The following SKI variants were observed in gnomAD, a reference collection of about 807,000 sequenced individuals.
The protein encoded by SKI is ski oncogene.
Under a neutral mutation model 59.3 loss-of-function variants are expected in SKI, and 23 were observed. The observed-to-expected ratio is 0.39, with a 90% confidence interval of 0.28 to 0.55. SKI has a LOEUF of 0.55. Ranked by LOEUF, SKI falls within the 20% of genes least tolerant of loss-of-function variation. The pLI is 0.67. For missense variants in SKI, 1,017 were observed against 1,038.9 expected (o/e 0.98, Z 0.29); for synonymous variants, 673 against 488.6 (o/e 1.38, Z -4.98).
intron 1 of SKI, among the ~76,000 whole-genome samples, chr1:2,259,060 C>G (rs150301133): frequency 2.8e-3 from 423 of 152,346 alleles, no homozygotes; most frequent in African/African-American, 8.9e-3. Flanking sequence ...CCCCAGAATT[C>G]TGGGTTCCCA....
In SKI at chr1:2,293,912, C is replaced by T. The variant is rs530545372; in HGVS notation, c.970-9066C>T. The stretch of plus-strand genomic sequence containing the variant: ...CCCTTCCAGTGCAGGCGGTGGTCAC[C>T]GCGCCACCATGGGGGTCCAGGCAGC... On this transcript the variant is annotated intron_variant, in intron 1 of 6. Transcript: ENST00000378536. Among the ~76,000 whole-genome samples the T allele has an allele frequency of 7.9e-5, 12 of 152,314 alleles. No homozygotes were observed. The East Asian group carries it at 9.6e-4, about 12-fold the overall frequency.
chr1:2,238,267 G>A (rs1638794426), intron 1 of SKI, among the ~76,000 whole-genome samples: 1 of 152,270 alleles, frequency 6.6e-6, no homozygotes, highest in Admixed American at 6.5e-5. Flanking sequence ...CGTGGCAGTG[G>A]ATGGCAGCTC....
intron 1 of SKI, among the ~76,000 whole-genome samples, chr1:2,301,724 T>G (rs994077077): frequency 2.0e-5 from 3 of 152,218 alleles, no homozygotes; most frequent in Non-Finnish European, 4.4e-5. Context: ...CGGCCCTGAG[T>G]GTGCTCTGTC....
At chr1:2,252,425 G>T (rs539756031) in intron 1 of SKI, among the ~76,000 whole-genome samples, 1 of 152,292 alleles carries the variant, frequency 6.6e-6, no homozygotes, top group African/African-American at 2.4e-5. Flanking sequence ...AAGCAGCTTG[G>T]TCCCGGGTCC....
intron 1 of SKI, among the ~76,000 whole-genome samples, chr1:2,251,998 G>A (rs974173181): frequency 2.0e-5 from 3 of 152,274 alleles, no homozygotes; most frequent in East Asian, 1.9e-4. Context: ...GTGCCCAGAC[G>A]CGCCGTGGCA....
chr1:2,258,283 A>G (rs543717769), intron 1 of SKI, among the ~76,000 whole-genome samples: 2 of 152,280 alleles, frequency 1.3e-5, no homozygotes, highest in East Asian at 1.9e-4. Context: ...TCTGCAGCAT[A>G]GAATGGTCTC....
At position 2,297,808 on chromosome 1, in the gene SKI, C is replaced by T. The variant is rs571916618; in HGVS notation, c.970-5170C>T. ...ATGCTGAGGAGAGGAGGCGTGGGCC[C>T]GCCCGGTGTGCATGGGCAGGTCTGA... On this transcript the variant is annotated intron_variant, in intron 1 of 6. Transcript: ENST00000378536. Among the ~76,000 whole-genome samples the T allele has an allele frequency of 2.3e-4, 35 of 152,376 alleles. 1 individual carries two copies. Among genetic ancestry groups the T allele is most frequent in the Non-Finnish European group, 3.7e-4 (25 of 68,028 alleles).
At chr1:2,242,180 C>T (rs964419430) in intron 1 of SKI, among the ~76,000 whole-genome samples, 2 of 152,198 alleles carry the variant, frequency 1.3e-5, no homozygotes, top group African/African-American at 2.4e-5. Flanking sequence ...GGCCCCCAGC[C>T]GCTAGTGGTG....
At chr1:2,231,886 G>T (rs767641968) in intron 1 of SKI, among the ~76,000 whole-genome samples, 10 of 152,192 alleles carry the variant, frequency 6.6e-5, no homozygotes, top group African/African-American at 2.2e-4. Flanking sequence ...CTCTGCCCTC[G>T]CTCAGTGCCT....
At chr1:2,244,306 G>A (rs550450011) in intron 1 of SKI, among the ~76,000 whole-genome samples, 2 of 152,090 alleles carry the variant, frequency 1.3e-5, no homozygotes, top group Admixed American at 6.5e-5. Context: ...GGCTGGGCAT[G>A]GTGGCTCACA....
intron 1 of SKI, among the ~76,000 whole-genome samples, chr1:2,298,398 G>A (rs1050969165): frequency 5.3e-5 from 8 of 152,146 alleles, no homozygotes. Flanking sequence ...GCTGCTGTGC[G>A]CCTCTCCCTT....
At position 2,306,940 on chromosome 1, in the gene SKI, C is replaced by A; in HGVS notation, c.*175C>A. ...GTTTTGGAACCCACTGCAAAATTTT[C>A]TACTGGCCAAGTTCAAGTGAGTAAG... On this transcript the variant is annotated 3_prime_UTR_variant, in exon 7 of 7. Transcript: ENST00000378536. 1 of 401,408 alleles carries A rather than the reference C, an allele frequency of 2.5e-6. No individual in the cohort carries two copies. Among genetic ancestry groups the A allele is most frequent in the Non-Finnish European group, 4.1e-6 (1 of 242,374 alleles). The allele number at this position is 401,408 out of a possible 1,614,324, so 24.9% of individuals were successfully genotyped here.
chr1:2,292,071 C>T (rs1178200533), intron 1 of SKI, among the ~76,000 whole-genome samples: 2 of 152,196 alleles, frequency 1.3e-5, no homozygotes, highest in Admixed American at 6.5e-5. Flanking sequence ...AGAGAAGGCC[C>T]ATAGCTCACG....
At chr1:2,289,852 C>T (rs1640124469) in intron 1 of SKI, among the ~76,000 whole-genome samples, 2 of 152,210 alleles carry the variant, frequency 1.3e-5, no homozygotes, top group African/African-American at 4.8e-5. Context: ...TGGGCAGCAC[C>T]TGGCTGGGCT....
chr1:2,283,592 G>A (rs1231952855), intron 1 of SKI, among the ~76,000 whole-genome samples: 1 of 152,238 alleles, frequency 6.6e-6, no homozygotes, highest in Non-Finnish European at 1.5e-5. Context: ...CTTGGCTTGG[G>A]GTCTCTGTGT....
At chr1:2,306,380 G>A (rs935389202) in intron 6 of SKI, 130 bp downstream of exon 6, 13 of 1,038,636 alleles carry the variant, frequency 1.3e-5, no homozygotes, top group African/African-American at 1.6e-5. Flanking sequence ...TTCCGTGCGT[G>A]CCCCCCCGAC....
At chr1:2,304,633 C>T (rs1640522573) in intron 5 of SKI, 48 bp downstream of exon 5, 2 of 1,509,914 alleles carry the variant, frequency 1.3e-6, no homozygotes, top group Non-Finnish European at 1.8e-6. Flanking sequence ...GGGCAGTGAG[C>T]ACAGCCTGCA....
chr1:2,262,016 G>A (rs1301292667), intron 1 of SKI, among the ~76,000 whole-genome samples: 2 of 122,116 alleles, frequency 1.6e-5, no homozygotes, highest in African/African-American at 3.1e-5. Context: ...GGGAGTGGAC[G>A]CCCTCGCTCC....
intron 1 of SKI, among the ~76,000 whole-genome samples, chr1:2,298,037 G>A (rs2100906856): frequency 6.6e-6 from 1 of 152,284 alleles, no homozygotes; most frequent in East Asian, 1.9e-4. Context: ...GTGGTCATGG[G>A]CCGAGCATCC....
Sources: gnomAD v4.1 joint callset for allele counts (sites outside exome capture counted in the v4.1 genomes callset) on GRCh38, gnomAD v4.1.1 for gene constraint, MANE v1.5 for transcripts, NCBI Gene and HGNC (gene_info 2026-07-23, HGNC 2026-07-21) for gene names.